Variants in SNRPN observed in about 807,000 individuals in gnomAD.
SNRPN encodes small nuclear ribonucleoprotein-associated protein N.
A neutral mutation model predicts 25.2 loss-of-function variants in SNRPN; 7 were observed. The ratio of observed to expected loss-of-function variants is 0.28; its 90% CI spans 0.16 to 0.52. The LOEUF is 0.52. Ranked by LOEUF, SNRPN falls within the 20% of genes least tolerant of loss-of-function variation. The pLI is 0.96. For synonymous variants in SNRPN, 124 were observed against 110.6 expected, an observed-to-expected ratio of 1.12 and a Z score of -0.76; for missense variants, 196 against 322.5, an observed-to-expected ratio of 0.61 and a Z score of 3.00.
intron 2 of SNRPN, among the ~76,000 whole-genome samples, chr15:24,890,921 T>G (rs56813506): frequency 0.016 from 2,418 of 152,308 alleles, 66 homozygotes; most frequent in African/African-American, 0.056. Context: ...TTATTATTTT[T>G]TATTTTTTTG....
intron 3 of SNRPN, among the ~76,000 whole-genome samples, chr15:24,933,162 A>C (rs2060993958): frequency 6.6e-6 from 1 of 152,078 alleles, no homozygotes. Flanking sequence ...GACAGACTGA[A>C]GTGTGAGGAT....
intron 1 of SNRPN, 76 bp from the exon 2 acceptor site, chr15:24,962,038 A>T: frequency 8.3e-7 from 1 of 1,206,008 alleles, no homozygotes; most frequent in Non-Finnish European, 1.2e-6. Flanking sequence ...ATGTAGTTCT[A>T]AATATAACCT....
intron 2 of SNRPN, among the ~76,000 whole-genome samples, chr15:24,913,170 C>T (rs1271425162): frequency 1.3e-5 from 2 of 152,066 alleles, no homozygotes; most frequent in African/African-American, 2.4e-5. Flanking sequence ...GAACCCCTGA[C>T]CTTAGGTGAT....
At chr15:24,975,626 C>A in intron 5 of SNRPN, 117 bp downstream of exon 5, 1 of 806,500 alleles carries the variant, frequency 1.2e-6, no homozygotes, top group Non-Finnish European at 2.0e-6. Flanking sequence ...TATGGTAGAG[C>A]CAGTCTATTG....
intron 1 of SNRPN, among the ~76,000 whole-genome samples, chr15:24,827,789 C>A (rs2050210733): frequency 6.6e-6 from 1 of 151,256 alleles, no homozygotes; most frequent in South Asian, 2.1e-4. Context: ...ATCACTTGAA[C>A]CCAGGAGGCA....
chr15:24,854,209 A>G (rs925900106), upstream of SNRPN, among the ~76,000 whole-genome samples: 2 of 152,208 alleles, frequency 1.3e-5, no homozygotes, highest in Non-Finnish European at 2.9e-5. Flanking sequence ...CTCAAGGCCT[A>G]ATTACCTTTT....
At position 24,978,415 on chromosome 15, in the gene SNRPN, C is replaced by A. The variant is rs1327443516; in HGVS notation, c.694C>A (p.Pro232Thr). 1 of 1,613,838 alleles carries A rather than the reference C, an allele frequency of 6.2e-7. No individual in the cohort carries two copies. Among genetic ancestry groups the A allele is most frequent in the East Asian group, 2.2e-5 (1 of 44,860 alleles). Residue 232 changes from proline to threonine, a missense_variant, in exon 10 of 10, where the codon CCC becomes ACC. Transcript: ENST00000390687. ...TTCTATTTCCTTTCCAGGTCCACCT[C>A]CCCCAGGAATGCGTCCACCAAGACC... is the stretch of plus-strand genomic sequence containing the variant. The part of the protein sequence containing the change: ...PPPPGIRGPP[P>T]PGMRPPRP
At chr15:24,962,960 A>G (rs890398340) in intron 2 of SNRPN, among the ~76,000 whole-genome samples, 3 of 151,710 alleles carry the variant, frequency 2.0e-5, no homozygotes, top group Admixed American at 6.6e-5. Flanking sequence ...TTTGTAAAAC[A>G]GTTTTGCATA....
At chr15:24,974,797 G>C (rs764610745) in intron 4 of SNRPN, 6 of 638,238 alleles carry the variant, frequency 9.4e-6, no homozygotes, top group Admixed American at 2.5e-5. Flanking sequence ...GACCTCTGGT[G>C]ATCCACCCAC....
chr15:24,908,052 CAAAAAA>C (rs71127014), intron 2 of SNRPN, among the ~76,000 whole-genome samples: 51 of 70,714 alleles, frequency 7.2e-4, no homozygotes, highest in African/African-American at 2.8e-3. Flanking sequence ...GACTCCATCT[CAAAAAA>C]AAAAAAAAAA....
At chr15:24,909,498 G>T in intron 2 of SNRPN, 1 of 1,545,352 alleles carries the variant, frequency 6.5e-7, no homozygotes, top group Non-Finnish European at 8.8e-7. Context: ...CTACTGAGAA[G>T]CCTGCGGGCC....
chr15:24,857,544 T>C (rs2053524023), intron 1 of SNRPN, among the ~76,000 whole-genome samples: 1 of 151,680 alleles, frequency 6.6e-6, no homozygotes, highest in South Asian at 2.1e-4. Context: ...TTTCTGTTAT[T>C]AGTTAGCATT....
upstream of SNRPN, among the ~76,000 whole-genome samples, chr15:24,854,642 C>T (rs947563469): frequency 2.0e-5 from 3 of 152,212 alleles, no homozygotes; most frequent in Non-Finnish European, 4.4e-5. Context: ...CATCACCTCT[C>T]CACATTTGTT....
At chr15:24,971,584 G>A (rs145975310) in intron 3 of SNRPN, among the ~76,000 whole-genome samples, 6 of 151,720 alleles carry the variant, frequency 4.0e-5, no homozygotes, top group African/African-American at 1.5e-4. Context: ...AATTCTCTAG[G>A]TCTTCAGTTC....
intron 1 of SNRPN, among the ~76,000 whole-genome samples, chr15:24,826,032 T>G (rs770954292): frequency 6.6e-6 from 1 of 152,074 alleles, no homozygotes; most frequent in Non-Finnish European, 1.5e-5. Context: ...TCCTTGGGAT[T>G]GTTGCAAGAT....
intron 2 of SNRPN, among the ~76,000 whole-genome samples, chr15:24,912,887 A>G (rs1260904250): frequency 1.3e-5 from 2 of 152,208 alleles, no homozygotes; most frequent in African/African-American, 4.8e-5. Context: ...CTCATCCTCC[A>G]GAAACACGAC....
At chr15:24,910,453 C>T (rs1211761084) in intron 2 of SNRPN, among the ~76,000 whole-genome samples, 5 of 151,898 alleles carry the variant, frequency 3.3e-5, no homozygotes. Context: ...ACAGTCTGGG[C>T]AACAGAGTGA....
At chr15:24,923,007 G>A (rs2060126044) in intron 3 of SNRPN, among the ~76,000 whole-genome samples, 1 of 144,218 alleles carries the variant, frequency 6.9e-6, no homozygotes, top group South Asian at 2.3e-4. Context: ...CTGCATTGAA[G>A]CGATTCTCCT....
chr15:24,959,466 G>A (rs927570898), intron 1 of SNRPN, among the ~76,000 whole-genome samples: 1 of 152,152 alleles, frequency 6.6e-6, no homozygotes, highest in Non-Finnish European at 1.5e-5. Context: ...TTAAAAAAAG[G>A]TAAATTCAGA....
Sources: gnomAD v4.1 joint callset for allele counts (sites outside exome capture counted in the v4.1 genomes callset) on GRCh38, gnomAD v4.1.1 for gene constraint, MANE v1.5 for transcripts, NCBI Gene and HGNC (gene_info 2026-07-23, HGNC 2026-07-21) for gene names.